Variants in SFMBT2 observed in about 807,000 individuals in gnomAD.
SFMBT2 encodes Scm like with four mbt domains 2.
In SFMBT2, 38 loss-of-function variants were observed where a neutral mutation model predicts 110.1. The ratio of observed to expected loss-of-function variants is 0.35; its 90% CI spans 0.27 to 0.45. The LOEUF is 0.45. Among genes scored for constraint, SFMBT2 ranks in the 20% least tolerant of loss-of-function variants. The probability of loss-of-function intolerance (pLI) is 1.00; values close to 1 mark genes in which losing one functional copy is unlikely to be tolerated. For missense variants in SFMBT2, 1,011 were observed against 1,094.9 expected (o/e 0.92, Z 1.08); for synonymous variants, 425 against 425.4 (o/e 1.00, Z 0.01).
At chr10:7,236,734 G>A (rs1166329148) in intron 9 of SFMBT2, among the ~76,000 whole-genome samples, 3 of 151,986 alleles carry the variant, frequency 2.0e-5, no homozygotes, top group African/African-American at 7.3e-5. Context: ...GAATTCTAAA[G>A]GTATATAAAC....
intron 4 of SFMBT2, among the ~76,000 whole-genome samples, chr10:7,291,929 C>G (rs1177892057): frequency 1.3e-5 from 2 of 152,148 alleles, no homozygotes; most frequent in African/African-American, 2.4e-5. Flanking sequence ...GGACTCCTAC[C>G]CACCCAGCAT....
At chr10:7,311,587 C>A (rs1416857090) in intron 4 of SFMBT2, among the ~76,000 whole-genome samples, 1 of 152,200 alleles carries the variant, frequency 6.6e-6, no homozygotes, top group Non-Finnish European at 1.5e-5. Flanking sequence ...GATCTCCCTG[C>A]AAGCTGCTAT....
At chr10:7,195,946 A>G (rs929813512) in intron 15 of SFMBT2, among the ~76,000 whole-genome samples, 1 of 152,178 alleles carries the variant, frequency 6.6e-6, no homozygotes, top group Non-Finnish European at 1.5e-5. Flanking sequence ...GGTTTCTTCT[A>G]AACTGTAACC....
intron 16 of SFMBT2, chr10:7,176,514 G>A (rs1838060265): frequency 1.0e-6 from 1 of 985,278 alleles, no homozygotes; most frequent in Non-Finnish European, 1.2e-6. Flanking sequence ...AATCGAATGG[G>A]TATTTTCCTG....
At chr10:7,311,061 AAAC>A (rs1445318352) in intron 4 of SFMBT2, among the ~76,000 whole-genome samples, 9 of 149,692 alleles carry the variant, frequency 6.0e-5, no homozygotes, top group Non-Finnish European at 1.2e-4. Context: ...AAAAAAAAAA[AAAC>A]AAAACAAAAA....
chr10:7,247,859 G>C (rs1840666184), intron 8 of SFMBT2, among the ~76,000 whole-genome samples: 1 of 152,116 alleles, frequency 6.6e-6, no homozygotes, highest in African/African-American at 2.4e-5. Flanking sequence ...ATGGGGAATG[G>C]ATATTATACT....
chr10:7,180,835 G>A (rs943649743), intron 16 of SFMBT2, among the ~76,000 whole-genome samples: 9 of 152,180 alleles, frequency 5.9e-5, no homozygotes, highest in African/African-American at 2.2e-4. Flanking sequence ...CTCCAAAGGT[G>A]GAGAGCACAG....
At chr10:7,356,235 G>A (rs1489495182) in intron 4 of SFMBT2, among the ~76,000 whole-genome samples, 1 of 152,156 alleles carries the variant, frequency 6.6e-6, no homozygotes, top group Non-Finnish European at 1.5e-5. Context: ...CCCCAGGCTG[G>A]AGGCCCCTCT....
chr10:7,163,765 C>A lies in SFMBT2; in HGVS notation c.*5G>T, dbSNP rs775309701. ...GCAATAATGGGCCACCTCCCGAGGG[C>A]AGACTCAGTTGGCGTACTGGGCGTA... On this transcript the variant is annotated 3_prime_UTR_variant, in exon 21 of 21. Coordinates refer to ENST00000397167, the MANE Select transcript of SFMBT2 (RefSeq NM_001387889.1). This position sits in a 1 kb window ranked among gnomAD's most constrained non-coding sequence, Gnocchi z 4.8. 4 of 1,613,420 alleles carry A rather than the reference C, an allele frequency of 2.5e-6. No individual in the cohort carries two copies. Among genetic ancestry groups the A allele is most frequent in the Non-Finnish European group, 3.4e-6 (4 of 1,179,548 alleles).
intron 20 of SFMBT2, among the ~76,000 whole-genome samples, chr10:7,168,119 G>GAAAC (rs1837750716): frequency 2.0e-5 from 3 of 152,024 alleles, no homozygotes; most frequent in African/African-American, 7.2e-5. Flanking sequence ...TGTCGGCAGT[G>GAAAC]TTCCATTTCC....
At chr10:7,205,105 C>CAAAA in intron 12 of SFMBT2, 1 of 260,624 alleles carries the variant, frequency 3.8e-6, no homozygotes, top group Non-Finnish European at 6.0e-6. Flanking sequence ...GACAGAGTCT[C>CAAAA]ACCCTGTCAC....
At chr10:7,373,010 T>C (rs139805593) in intron 2 of SFMBT2, among the ~76,000 whole-genome samples, 1 of 152,344 alleles carries the variant, frequency 6.6e-6, no homozygotes, top group Non-Finnish European at 1.5e-5. Context: ...AGGCTTGCTA[T>C]GATTTGAATG....
intron 7 of SFMBT2, among the ~76,000 whole-genome samples, chr10:7,265,478 G>C (rs1841356504): frequency 6.6e-6 from 1 of 152,144 alleles, no homozygotes; most frequent in Non-Finnish European, 1.5e-5. Context: ...TGAGGTTACA[G>C]GCATGAGCCA....
At chr10:7,232,468 T>C (rs1300951020) in intron 9 of SFMBT2, among the ~76,000 whole-genome samples, 2 of 152,062 alleles carry the variant, frequency 1.3e-5, no homozygotes. Flanking sequence ...TGTGCAGTAA[T>C]AGAAAATGAG....
In SFMBT2 at chr10:7,357,324, G is replaced by A. The variant is rs76647897; in HGVS notation, c.436+10325C>T. On this transcript the variant is annotated intron_variant, in intron 4 of 20. Coordinates refer to ENST00000397167, the MANE Select transcript of SFMBT2 (RefSeq NM_001387889.1). ...GTTCTGTGAAGGTGTTGTTGGATGC[G>A]ACTAACATTTAAATAAGTACACACT... Among the ~76,000 whole-genome samples the A allele has an allele frequency of 9.0e-3, 1,375 of 152,224 alleles. 17 individuals are homozygous for A. The highest frequency in any genetic ancestry group is 0.031 in the African/African-American group (1,297 of 41,508).
At chr10:7,226,790 T>C (rs575887254) in intron 10 of SFMBT2, among the ~76,000 whole-genome samples, 1 of 152,318 alleles carries the variant, frequency 6.6e-6, no homozygotes, top group African/African-American at 2.4e-5. Context: ...TGGTCCCATA[T>C]GATTATATGG....
rs57497418 is a variant in SFMBT2, at chr10:7,179,391, GAAAAAAA to G, written c.1809-3233_1809-3227del. 3.3e-3 allele frequency among the ~76,000 whole-genome samples: 229 copies of G among 70,322 alleles called. 1 individual carries two copies. Among genetic ancestry groups the G allele is most frequent in the African/African-American group, 0.01 (194 of 18,980 alleles). 46.1% of individuals were successfully genotyped at this position (70,322 alleles called of 152,430 possible). On this transcript the variant is annotated intron_variant, in intron 16 of 20. Coordinates refer to ENST00000397167, the MANE Select transcript of SFMBT2 (RefSeq NM_001387889.1). ...TGCTTATTGCTTTTGTTGCATTTTC[GAAAAAAA>G]AAAAAAAAAAAAAAAAAACAAAAGA... is the stretch of plus-strand genomic sequence containing the variant.
intron 4 of SFMBT2, among the ~76,000 whole-genome samples, chr10:7,314,625 C>T (rs78818626): frequency 0.013 from 1,953 of 152,196 alleles, 14 homozygotes; most frequent in Non-Finnish European, 0.023. Context: ...AAACCAGACC[C>T]GGCTGGGCAC....
intron 4 of SFMBT2, among the ~76,000 whole-genome samples, chr10:7,303,630 G>A (rs1252218756): frequency 1.3e-5 from 2 of 152,144 alleles, no homozygotes; most frequent in Admixed American, 6.5e-5. Context: ...GATGATTTCT[G>A]TCAGTATATC....
Sources: allele counts gnomAD v4.1 joint callset (sites outside exome capture counted in the v4.1 genomes callset), GRCh38; gene constraint gnomAD v4.1.1; non-coding constraint Gnocchi (gnomAD v3.1); transcripts MANE v1.5; gene names NCBI Gene and HGNC (gene_info 2026-07-23, HGNC 2026-07-21).